TPP2: variants seen among roughly 807,000 people sequenced by gnomAD.
TPP2 encodes the protein tripeptidyl peptidase 2.
In TPP2, 34 loss-of-function variants were observed where a neutral mutation model predicts 155.9. The ratio of observed to expected loss-of-function variants is 0.22; its 90% CI spans 0.17 to 0.29. TPP2 has a LOEUF of 0.29. Ranked by LOEUF, TPP2 falls within the 10% of genes least tolerant of loss-of-function variation. The probability of loss-of-function intolerance (pLI) is 1.00; values close to 1 mark genes in which losing one functional copy is unlikely to be tolerated. For missense variants in TPP2, 1,028 were observed against 1,522.3 expected (o/e 0.68, Z 5.40); for synonymous variants, 510 against 529.4 (o/e 0.96, Z 0.50).
intron 2 of TPP2, among the ~76,000 whole-genome samples, chr13:102,609,223 T>A (rs1169569147): frequency 6.6e-6 from 1 of 151,986 alleles, no homozygotes; most frequent in African/African-American, 2.4e-5. Flanking sequence ...ACTGGGGAAT[T>A]TATGAAGAAA....
intron 27 of TPP2, among the ~76,000 whole-genome samples, chr13:102,670,036 G>T (rs578163642): frequency 1.3e-5 from 2 of 152,218 alleles, no homozygotes; most frequent in African/African-American, 4.8e-5. Context: ...CAGTATTAAG[G>T]CTCCAACCTC....
Position 102,635,616 on chromosome 13 carries a change from GTTCA to G in TPP2, c.1428_1431del (p.His476GlnfsTer6). On this transcript the variant is annotated frameshift_variant, in exon 12 of 30. Transcript: ENST00000376052. LOFTEE classifies it high-confidence loss of function. ...GAAAGCTAATAACATTGACTACACAGTTCATTCAGTCAGAAGAGCTCTAGAAAAC... is the reference window on the plus strand; with the variant it reads ...GAAAGCTAATAACATTGACTACACAGTTCAGTCAGAAGAGCTCTAGAAAAC... The G allele has an allele frequency of 1.9e-6, 3 of 1,612,976 alleles. No individual in the cohort carries two copies. The highest frequency in any genetic ancestry group is 2.5e-6 in the Non-Finnish European group (3 of 1,179,734).
At chr13:102,608,868 A>G (rs1329665350) in intron 2 of TPP2, among the ~76,000 whole-genome samples, 1 of 151,816 alleles carries the variant, frequency 6.6e-6, no homozygotes, top group African/African-American at 2.4e-5. Flanking sequence ...AATCATCCCT[A>G]GCTGTCTTAT....
At chr13:102,650,741 G>A (rs1334025530) in intron 23 of TPP2, among the ~76,000 whole-genome samples, 1 of 152,144 alleles carries the variant, frequency 6.6e-6, no homozygotes, top group African/African-American at 2.4e-5. Flanking sequence ...TTCAGAAATA[G>A]TTACTACTTC....
intron 1 of TPP2, among the ~76,000 whole-genome samples, chr13:102,602,634 T>C (rs926363774): frequency 8.5e-5 from 13 of 152,212 alleles, no homozygotes; most frequent in Admixed American, 2.0e-4. Flanking sequence ...AATGTGTGCT[T>C]TTGTTTTCTC....
chr13:102,630,184 T>C lies in TPP2; in HGVS notation c.1233T>C (p.Ser411=). The C allele has an allele frequency of 1.2e-6, 2 of 1,613,216 alleles. No individual in the cohort carries two copies. Among genetic ancestry groups the C allele is most frequent in the South Asian group, 2.2e-5 (2 of 91,042 alleles). Reference sequence around the variant, plus strand: ...CTGCAAATCAATATACTTGGTCTTCTAGAGGACCTAGGTAGGTGCAGGTAG... The same window carrying C: ...CTGCAAATCAATATACTTGGTCTTCCAGAGGACCTAGGTAGGTGCAGGTAG... ...KLPANQYTWS[S]RGPSADGALG... is the part of the protein sequence containing the mutation. Residue 411 remains serine (S), a synonymous_variant, in exon 10 of 30, where the codon TCT becomes TCC. Coordinates refer to ENST00000376052, the MANE Select transcript of TPP2 (RefSeq NM_001330588.2).
At position 102,614,131 on chromosome 13, in the gene TPP2, A is replaced by G; in HGVS notation, c.325A>G (p.Lys109Glu). ...IPASWTNPSG[K>E]YHIGIKNGYD... ...TGCAAGCTGGACAAATCCCTCAGGC[A>G]AATATCATATTGGCATAAAAAATGG... The change falls in exon 3 of 30, where the codon AAA becomes GAA. Residue 109 changes from lysine to glutamate, a missense_variant. Coordinates refer to ENST00000376052, the MANE Select transcript of TPP2 (RefSeq NM_001330588.2). 1 of 1,613,638 alleles carries G rather than the reference A, an allele frequency of 6.2e-7. No homozygotes were observed. Among genetic ancestry groups the G allele is most frequent in the Non-Finnish European group, 8.5e-7 (1 of 1,179,762 alleles).
At chr13:102,659,680 C>G (rs1027769362) in intron 25 of TPP2, among the ~76,000 whole-genome samples, 5 of 152,114 alleles carry the variant, frequency 3.3e-5, no homozygotes, top group African/African-American at 1.2e-4. Context: ...TGCTAGCAAA[C>G]CCACCTTATA....
At chr13:102,608,082 T>C (rs1879987731) in intron 2 of TPP2, 2 of 152,328 alleles carry the variant, frequency 1.3e-5, no homozygotes, top group Admixed American at 1.3e-4. Flanking sequence ...TTAAGTATTC[T>C]CAGCCCCTCA....
intron 10 of TPP2, among the ~76,000 whole-genome samples, chr13:102,632,872 T>G (rs1221590392): frequency 6.6e-6 from 1 of 152,220 alleles, no homozygotes; most frequent in Non-Finnish European, 1.5e-5. Flanking sequence ...TTATTCAGTA[T>G]TACATTGTGA....
intron 6 of TPP2, among the ~76,000 whole-genome samples, chr13:102,624,919 G>C (rs1371331037): frequency 2.2e-5 from 3 of 137,088 alleles, no homozygotes; most frequent in African/African-American, 8.5e-5. Context: ...AGTACAGGTG[G>C]CACGGTCTCG....
At position 102,649,461 on chromosome 13, in the gene TPP2, C is replaced by T; in HGVS notation, c.2927C>T (p.Ser976Leu). 4.3e-6 allele frequency: 7 copies of T among 1,612,504 alleles called. No individual in the cohort carries two copies. The highest frequency in any genetic ancestry group is 5.9e-6 in the Non-Finnish European group (7 of 1,179,306). The change falls in exon 23 of 30, where the codon TCA (serine) becomes TTA (leucine). Residue 976 changes from serine to leucine, a missense_variant. Ser to Leu is a moderately radical substitution (Grantham distance 145, BLOSUM62 -2). Around this residue, in one of 7 missense-constraint regions of TPP2, gnomAD observed 179 missense variants for 274.7 expected, o/e 0.65. Coordinates refer to ENST00000376052, the MANE Select transcript of TPP2 (RefSeq NM_001330588.2). ...GCYLAGSLTL[S>L]KTELGKKAGQ... ...TATCTTGCAGGATCCTTAACATTGT[C>T]AAAGACTGAACTAGGAAAGAAAGCT...
chr13:102,632,491 C>T (rs1566341049), intron 10 of TPP2, among the ~76,000 whole-genome samples: 1 of 152,078 alleles, frequency 6.6e-6, no homozygotes. Context: ...CTGCCCGCCT[C>T]GGCCTCCGAA....
At position 102,676,406 on chromosome 13, in the gene TPP2, T is replaced by A; in HGVS notation, c.3690T>A (p.Asn1230Lys). 1 of 1,609,954 alleles carries A rather than the reference T, an allele frequency of 6.2e-7. No individual in the cohort carries two copies. The highest frequency in any genetic ancestry group is 8.5e-7 in the Non-Finnish European group (1 of 1,177,312). ...AACCAACAAAAGAAAACTGGAAAAA[T>A]TGTATTCAAGTAAGTGATATTTAAA... The part of the protein sequence containing the change: ...EEKPTKENWK[N>K]CIQLMKLLGW... The change falls in exon 29 of 30, where the codon AAT (asparagine) becomes AAA (lysine). Residue 1230 changes from asparagine to lysine, a missense_variant. By Grantham distance (94) the Asn-to-Lys change is moderately conservative. Coordinates refer to ENST00000376052, the MANE Select transcript of TPP2 (RefSeq NM_001330588.2).
intron 15 of TPP2, among the ~76,000 whole-genome samples, chr13:102,639,721 A>G (rs1882630414): frequency 6.6e-6 from 1 of 152,236 alleles, no homozygotes. Context: ...ATTTGTCTCT[A>G]GCATAAAATT....
At chr13:102,647,091 A>G (rs1422722828) in intron 20 of TPP2, 116 bp from the exon 21 acceptor site, 13 of 1,295,276 alleles carry the variant, frequency 1.0e-5, no homozygotes, top group East Asian at 7.7e-5. Context: ...ATTTTTTACC[A>G]CAAGTATTTT....
Position 102,647,321 on chromosome 13 carries a change from T to G in TPP2, c.2605T>G (p.Ser869Ala), listed in dbSNP as rs1448067081. ...IFDQNKRQMG[S>A]GDAYPHQYSL... ...TGACCAGAACAAAAGACAGATGGGTTCAGGCGATGCCTATCCACATCAGGT... is the reference window on the plus strand; with the variant it reads ...TGACCAGAACAAAAGACAGATGGGTGCAGGCGATGCCTATCCACATCAGGT... The change falls in exon 21 of 30, where the codon TCA becomes GCA. Residue 869 changes from serine to alanine, a missense_variant. This residue lies in a region of TPP2 where 179 missense variants were observed against 274.7 expected (regional missense o/e 0.65). Coordinates refer to ENST00000376052, the MANE Select transcript of TPP2 (RefSeq NM_001330588.2). 1 of 1,613,688 alleles carries G rather than the reference T, an allele frequency of 6.2e-7. No homozygotes were observed. Among genetic ancestry groups the G allele is most frequent in the Non-Finnish European group, 8.5e-7 (1 of 1,179,896 alleles).
chr13:102,650,560 A>G (rs1883415792), intron 23 of TPP2, among the ~76,000 whole-genome samples: 1 of 152,142 alleles, frequency 6.6e-6, no homozygotes, highest in Admixed American at 6.5e-5. Context: ...TGATTTAAGA[A>G]ACCCTGGTAG....
intron 23 of TPP2, among the ~76,000 whole-genome samples, chr13:102,650,563 C>T (rs1050986774): frequency 6.6e-6 from 1 of 151,948 alleles, no homozygotes; most frequent in African/African-American, 2.4e-5. Flanking sequence ...TTTAAGAAAC[C>T]CTGGTAGTTT....
Sources: gnomAD v4.1 joint callset for allele counts (sites outside exome capture counted in the v4.1 genomes callset) on GRCh38, gnomAD v4.1.1 for gene constraint, gnomAD v4.1.1 regional missense constraint, MANE v1.5 for transcripts, NCBI Gene and HGNC (gene_info 2026-07-23, HGNC 2026-07-21) for gene names.